Variants in QTGAL observed in about 807,000 individuals in gnomAD.
QTGAL encodes queuosine-tRNA galactosyltransferase, also known as BGnT-like protein 1.
At chr17:83,047,900 A>G in the QTGAL span, among the ~76,000 whole-genome samples, 2 of 152,168 alleles carry the variant, frequency 1.3e-5, no homozygotes, top group African/African-American at 4.8e-5. Flanking sequence ...GGTCTATAAT[A>G]AATCCTACCA....
the QTGAL span, among the ~76,000 whole-genome samples, chr17:82,989,680 T>C: frequency 6.6e-6 from 1 of 152,210 alleles, no homozygotes; most frequent in African/African-American, 2.4e-5. Context: ...TTGTTGATAG[T>C]GCACCTTTGT....
the QTGAL span, among the ~76,000 whole-genome samples, chr17:82,958,420 A>C: frequency 6.6e-6 from 1 of 152,272 alleles, no homozygotes; most frequent in Non-Finnish European, 1.5e-5. Flanking sequence ...GCCAGACACA[A>C]CCAACACTGG....
chr17:83,048,409 C>T, the QTGAL span: 24 of 1,387,870 alleles, frequency 1.7e-5, no homozygotes, highest in Non-Finnish European at 2.2e-5. Context: ...GAAACTGTTT[C>T]GGTACGTAAG....
the QTGAL span, among the ~76,000 whole-genome samples, chr17:83,041,723 C>T: frequency 2.0e-5 from 3 of 152,344 alleles, 1 homozygote; most frequent in South Asian, 6.2e-4. Context: ...CTGACAGAAC[C>T]ATGGTTTCTA....
At chr17:83,025,667 C>A in the QTGAL span, among the ~76,000 whole-genome samples, 1 of 139,506 alleles carries the variant, frequency 7.2e-6, no homozygotes. Flanking sequence ...ACACGGACAC[C>A]GCGGAGAGTC....
the QTGAL span, chr17:82,946,805 T>A: frequency 8.1e-7 from 1 of 1,233,650 alleles, no homozygotes; most frequent in Non-Finnish European, 1.1e-6. Context: ...AAAATTAGAA[T>A]AAGAGCAGAA....
chr17:82,966,744 A>G, the QTGAL span, among the ~76,000 whole-genome samples: 1 of 152,180 alleles, frequency 6.6e-6, no homozygotes, highest in Admixed American at 6.5e-5. Context: ...TCATCCAGGG[A>G]GAACATTCGT....
chr17:83,028,226 C>T, the QTGAL span, among the ~76,000 whole-genome samples: 5 of 151,952 alleles, frequency 3.3e-5, no homozygotes, highest in African/African-American at 4.8e-5. Flanking sequence ...AATAAACCCA[C>T]GAAAAGGTGC....
the QTGAL span, among the ~76,000 whole-genome samples, chr17:82,957,916 G>A: frequency 7.2e-5 from 11 of 152,064 alleles, no homozygotes; most frequent in East Asian, 1.2e-3. Flanking sequence ...TCGCTGCCCC[G>A]AACCCTTCCA....
the QTGAL span, chr17:82,942,628 G>A: frequency 6.5e-5 from 55 of 842,376 alleles, no homozygotes; most frequent in African/African-American, 6.3e-4. Flanking sequence ...CTGCACCTGC[G>A]CTCTGGTGAC....
At chr17:82,960,614 G>A in the QTGAL span, 1 of 158,692 alleles carries the variant, frequency 6.3e-6, no homozygotes, top group Non-Finnish European at 1.4e-5. Context: ...ACGGGAGAGG[G>A]AGGCGGACCC....
chr17:83,001,359 G>T, the QTGAL span, among the ~76,000 whole-genome samples: 1 of 152,164 alleles, frequency 6.6e-6, no homozygotes, highest in Non-Finnish European at 1.5e-5. Flanking sequence ...GATATTTAAA[G>T]GGATTTATCA....
chr17:82,967,763 C>CAAA, the QTGAL span, among the ~76,000 whole-genome samples: 1 of 112,140 alleles, frequency 8.9e-6, no homozygotes, highest in South Asian at 3.3e-4. Flanking sequence ...GGCAACTCTA[C>CAAA]AAATAATAAT....
At chr17:83,043,945 A>G in the QTGAL span, among the ~76,000 whole-genome samples, 19 of 149,500 alleles carry the variant, frequency 1.3e-4, no homozygotes, top group African/African-American at 4.7e-4. Flanking sequence ...TCAAGAAGAA[A>G]TAAAAAAAAT....
the QTGAL span, among the ~76,000 whole-genome samples, chr17:83,026,173 G>T: frequency 6.6e-6 from 1 of 152,210 alleles, no homozygotes; most frequent in Non-Finnish European, 1.5e-5. Flanking sequence ...TGCTCAGCCA[G>T]CAAAAGTGAA....
chr17:82,944,702 T>C, the QTGAL span: 1 of 152,166 alleles, frequency 6.6e-6, no homozygotes, highest in Non-Finnish European at 1.5e-5. Context: ...GTGGGATTTG[T>C]GTACCCACAA....
At chr17:83,014,409 A>G in the QTGAL span, 2 of 1,587,234 alleles carry the variant, frequency 1.3e-6, no homozygotes, top group East Asian at 4.5e-5. Context: ...CCACAGTGGT[A>G]ATTTCACTAA....
the QTGAL span, among the ~76,000 whole-genome samples, chr17:82,966,266 G>C: frequency 6.6e-6 from 1 of 151,634 alleles, no homozygotes; most frequent in Non-Finnish European, 1.5e-5. Context: ...CACTGCTCAG[G>C]CTGGTCTTAA....
At chr17:83,028,540 A>G in the QTGAL span, among the ~76,000 whole-genome samples, 2 of 147,360 alleles carry the variant, frequency 1.4e-5, no homozygotes, top group Admixed American at 6.7e-5. Context: ...AAAAAAAAAG[A>G]AAAAAAAAGA....
Sources: gnomAD v4.1 joint callset for allele counts (sites outside exome capture counted in the v4.1 genomes callset) on GRCh38, gnomAD v4.1.1 for gene constraint, MANE v1.5 for transcripts, NCBI Gene and HGNC (gene_info 2026-07-23, HGNC 2026-07-21) for gene names.